Variants in CFAP210 observed in about 807,000 individuals in gnomAD.
The protein encoded by CFAP210 is cilia and flagella associated protein 210.
the CFAP210 span, among the ~76,000 whole-genome samples, chr2:169,660,254 G>GT: frequency 3.9e-3 from 597 of 151,980 alleles, 3 homozygotes; most frequent in Non-Finnish European, 6.7e-3. Flanking sequence ...GCTGAGCGTG[G>GT]TGGTGCGTGC....
chr2:169,662,450 A>G, the CFAP210 span: 3 of 1,559,722 alleles, frequency 1.9e-6, no homozygotes, highest in Middle Eastern at 2.1e-4. Flanking sequence ...AAGCAAAAAC[A>G]TAATTATAAT....
chr2:169,663,805 A>C, the CFAP210 span, among the ~76,000 whole-genome samples: 1 of 151,912 alleles, frequency 6.6e-6, no homozygotes, highest in African/African-American at 2.4e-5. Context: ...ATAAAAAAAA[A>C]AAACCAAGCT....
At chr2:169,691,461 G>C in the CFAP210 span, among the ~76,000 whole-genome samples, 4 of 151,710 alleles carry the variant, frequency 2.6e-5, no homozygotes, top group African/African-American at 7.3e-5. Context: ...AGGTCAGTTG[G>C]GGGGGCAGTC....
the CFAP210 span, among the ~76,000 whole-genome samples, chr2:169,651,548 G>T: frequency 4.4e-4 from 67 of 151,848 alleles, 1 homozygote; most frequent in African/African-American, 1.4e-3. Flanking sequence ...TAGAGAGGGA[G>T]TTTCACCATG....
At chr2:169,648,213 C>T in the CFAP210 span, 1 of 164,958 alleles carries the variant, frequency 6.1e-6, no homozygotes, top group South Asian at 9.5e-5. Context: ...CAGAAAAGGA[C>T]AAATATTGTC....
chr2:169,663,550 C>A, the CFAP210 span, among the ~76,000 whole-genome samples: 1 of 151,978 alleles, frequency 6.6e-6, no homozygotes, highest in Non-Finnish European at 1.5e-5. Flanking sequence ...TTACTGGAGT[C>A]CCCTCACTCA....
At chr2:169,690,276 C>T in the CFAP210 span, among the ~76,000 whole-genome samples, 62,015 of 151,988 alleles carry the variant, frequency 0.41, 12,928 homozygotes, top group Non-Finnish European at 0.44. Context: ...TAATACTGCC[C>T]TTATAGAATG....
the CFAP210 span, among the ~76,000 whole-genome samples, chr2:169,679,374 C>T: frequency 6.6e-6 from 1 of 152,104 alleles, no homozygotes; most frequent in African/African-American, 2.4e-5. Flanking sequence ...CACCCTCCTC[C>T]ATCCTTAAGC....
At chr2:169,656,460 G>C in the CFAP210 span, among the ~76,000 whole-genome samples, 8 of 149,334 alleles carry the variant, frequency 5.4e-5, no homozygotes, top group Admixed American at 5.3e-4. Context: ...ATGAAGTAGA[G>C]AAGGAGGAGG....
the CFAP210 span, among the ~76,000 whole-genome samples, chr2:169,652,993 C>G: frequency 3.6e-5 from 2 of 55,516 alleles, no homozygotes; most frequent in Non-Finnish European, 6.3e-5. Flanking sequence ...GAGCAAGACT[C>G]CGTCTCAAAA....
At chr2:169,681,145 G>A in the CFAP210 span, 24 of 1,613,858 alleles carry the variant, frequency 1.5e-5, no homozygotes, top group East Asian at 1.6e-4. Flanking sequence ...TCCACTCATC[G>A]TGTGGAATTA....
At chr2:169,650,580 C>T in the CFAP210 span, 1 of 1,343,860 alleles carries the variant, frequency 7.4e-7, no homozygotes, top group Non-Finnish European at 9.6e-7. Flanking sequence ...ATGGAGCCAA[C>T]ATAATTTAAT....
chr2:169,661,360 C>T, the CFAP210 span: 1 of 414,696 alleles, frequency 2.4e-6, no homozygotes, highest in Non-Finnish European at 4.7e-6. Context: ...CATTTTCAGG[C>T]ACTGCTTGTA....
chr2:169,655,277 C>G, the CFAP210 span, among the ~76,000 whole-genome samples: 1 of 152,176 alleles, frequency 6.6e-6, no homozygotes, highest in East Asian at 1.9e-4. Flanking sequence ...GGGCTACAGG[C>G]ACGAGCCACC....
chr2:169,678,340 G>GAAAA, the CFAP210 span, among the ~76,000 whole-genome samples: 1 of 42,818 alleles, frequency 2.3e-5, no homozygotes, highest in African/African-American at 1.2e-4. Context: ...AAACTCTGTT[G>GAAAA]CAAAAAAAAA....
the CFAP210 span, among the ~76,000 whole-genome samples, chr2:169,672,138 T>C: frequency 6.6e-6 from 1 of 152,204 alleles, no homozygotes; most frequent in Non-Finnish European, 1.5e-5. Context: ...TGAATAAACA[T>C]TAAACAGAAT....
At chr2:169,667,872 A>C in the CFAP210 span, among the ~76,000 whole-genome samples, 13 of 152,258 alleles carry the variant, frequency 8.5e-5, no homozygotes, top group Non-Finnish European at 1.5e-4. Context: ...CATAATTCTT[A>C]AGGGTCCTAG....
the CFAP210 span, among the ~76,000 whole-genome samples, chr2:169,678,170 G>A: frequency 1.3e-5 from 2 of 151,238 alleles, no homozygotes; most frequent in African/African-American, 2.4e-5. Context: ...AAGAAACCCC[G>A]TCTCTACTAA....
the CFAP210 span, among the ~76,000 whole-genome samples, chr2:169,684,345 T>C: frequency 2.6e-5 from 4 of 152,210 alleles, no homozygotes; most frequent in Non-Finnish European, 5.9e-5. Flanking sequence ...AATCCGCCAC[T>C]GTAAACAGTA....
Sources: allele counts gnomAD v4.1 joint callset (sites outside exome capture counted in the v4.1 genomes callset), GRCh38; gene constraint gnomAD v4.1.1; transcripts MANE v1.5; gene names NCBI Gene and HGNC (gene_info 2026-07-23, HGNC 2026-07-21).